The following RSU1 variants were observed in gnomAD, a reference collection of about 807,000 sequenced individuals.
RSU1 encodes rsu-1.
RSU1 carries 26 observed loss-of-function variants against 31.1 expected under a neutral mutation model. The ratio of observed to expected loss-of-function variants is 0.84; its 90% confidence interval spans 0.61 to 1.16. The LOEUF (loss-of-function observed/expected upper bound fraction) is 1.16. Ranked by LOEUF, RSU1 falls within the 50% of genes most tolerant of loss-of-function variation. The pLI, the probability that RSU1 is intolerant of heterozygous loss-of-function variation, is 0.00. For missense variants in RSU1, 320 were observed against 339.1 expected (o/e 0.94, Z 0.44); for synonymous variants, 164 against 136.3 (o/e 1.20, Z -1.41).
At chr10:16,719,794 G>A (rs543117381) in intron 7 of RSU1, among the ~76,000 whole-genome samples, 9 of 152,224 alleles carry the variant, frequency 5.9e-5, no homozygotes, top group South Asian at 2.1e-4. Context: ...ACATCCCACC[G>A]TTTCCTTACC....
chr10:16,664,994 A>G (rs960301100), intron 8 of RSU1, among the ~76,000 whole-genome samples: 2 of 152,004 alleles, frequency 1.3e-5, no homozygotes, highest in Non-Finnish European at 2.9e-5. Flanking sequence ...CCCAGGCTGG[A>G]ATGCAGTGGC....
intron 2 of RSU1, among the ~76,000 whole-genome samples, chr10:16,804,725 T>C (rs1028627689): frequency 7.9e-5 from 12 of 152,218 alleles, no homozygotes; most frequent in African/African-American, 2.7e-4. Flanking sequence ...GTAGAGGCTA[T>C]ATACCCTACG....
chr10:16,653,783 T>C (rs1308201823), intron 8 of RSU1, among the ~76,000 whole-genome samples: 2 of 152,120 alleles, frequency 1.3e-5, no homozygotes, highest in South Asian at 2.1e-4. Flanking sequence ...TGTGCATTAA[T>C]AAGTGGCATA....
chr10:16,643,410 T>G (rs1371930538), intron 8 of RSU1, among the ~76,000 whole-genome samples: 2 of 152,214 alleles, frequency 1.3e-5, no homozygotes, highest in Non-Finnish European at 2.9e-5. Flanking sequence ...TAGTACTTTG[T>G]GGGCAGAAGC....
chr10:16,726,434 T>A (rs1340702475), intron 7 of RSU1, among the ~76,000 whole-genome samples: 1 of 151,908 alleles, frequency 6.6e-6, no homozygotes, highest in African/African-American at 2.4e-5. Flanking sequence ...GCCCAGCTAA[T>A]TTTTGTGTTT....
intron 8 of RSU1, among the ~76,000 whole-genome samples, chr10:16,594,727 AATATATCAT>A (rs1833581159): frequency 1.4e-5 from 2 of 147,374 alleles, no homozygotes; most frequent in African/African-American, 2.5e-5. Context: ...ACATATAGAT[AATATATCAT>A]ATATATCATA....
intron 8 of RSU1, among the ~76,000 whole-genome samples, chr10:16,677,776 T>G (rs1290868041): frequency 2.6e-5 from 4 of 152,208 alleles, no homozygotes; most frequent in Non-Finnish European, 5.9e-5. Context: ...ACAAAAACTT[T>G]TATTGACAAC....
At chr10:16,683,714 C>T (rs1176890137) in intron 8 of RSU1, among the ~76,000 whole-genome samples, 1 of 152,138 alleles carries the variant, frequency 6.6e-6, no homozygotes, top group African/African-American at 2.4e-5. Flanking sequence ...CCCAGGAGGT[C>T]CTGAGAACAT....
intron 8 of RSU1, among the ~76,000 whole-genome samples, chr10:16,648,464 A>G (rs1247750645): frequency 1.3e-5 from 2 of 152,156 alleles, no homozygotes; most frequent in African/African-American, 4.8e-5. Flanking sequence ...GCCTACGAAG[A>G]TAGGTCAAAG....
intron 7 of RSU1, among the ~76,000 whole-genome samples, chr10:16,731,518 A>G (rs1836511875): frequency 6.6e-6 from 1 of 152,144 alleles, no homozygotes; most frequent in South Asian, 2.1e-4. Flanking sequence ...TAGAATTCCA[A>G]GGGAGCTTAC....
intron 2 of RSU1, among the ~76,000 whole-genome samples, chr10:16,809,806 A>T (rs1009806967): frequency 6.6e-6 from 1 of 151,304 alleles, no homozygotes; most frequent in Non-Finnish European, 1.5e-5. Context: ...AGCATTGGTT[A>T]TAATGGCAAA....
chr10:16,684,743 C>T (rs953863023), intron 8 of RSU1, among the ~76,000 whole-genome samples: 1 of 151,794 alleles, frequency 6.6e-6, no homozygotes, highest in Non-Finnish European at 1.5e-5. Context: ...TTATGGCAGC[C>T]AAAGCAAACG....
intron 2 of RSU1, among the ~76,000 whole-genome samples, chr10:16,788,194 A>G (rs1019015336): frequency 2.0e-5 from 3 of 152,166 alleles, no homozygotes; most frequent in African/African-American, 7.2e-5. Context: ...AGCAAACCAC[A>G]CTCAACAGGA....
chr10:16,624,609 A>G (rs1390799637), intron 8 of RSU1, among the ~76,000 whole-genome samples: 1 of 152,146 alleles, frequency 6.6e-6, no homozygotes, highest in Non-Finnish European at 1.5e-5. Context: ...GTGTAGTTTG[A>G]AAAGCTCCCT....
chr10:16,717,028 C>G (rs1023253273), intron 7 of RSU1, among the ~76,000 whole-genome samples: 1 of 152,150 alleles, frequency 6.6e-6, no homozygotes, highest in African/African-American at 2.4e-5. Context: ...TTACTAGACA[C>G]TTGCTCATAG....
chr10:16,699,678 G>A lies in RSU1; in HGVS notation c.599-4523C>T, dbSNP rs1835748627. On this transcript the variant is annotated intron_variant, in intron 7 of 8. Coordinates refer to ENST00000345264, the MANE Select transcript of RSU1 (RefSeq NM_012425.4). ...CAGCAGGATTAAGCACTGTGACAAA[G>A]AGGATCTAATAAGCTAGAAAGTGGT... Among the ~76,000 whole-genome samples, 3 of 152,200 alleles carry A rather than the reference G, an allele frequency of 2.0e-5. No individual in the cohort carries two copies. In the South Asian group the frequency reaches 6.2e-4, roughly 32 times the overall value.
chr10:16,771,748 G>A (rs1837428102), intron 3 of RSU1, among the ~76,000 whole-genome samples: 1 of 152,198 alleles, frequency 6.6e-6, no homozygotes, highest in South Asian at 2.1e-4. Flanking sequence ...TGTCTTCACA[G>A]ATTTTATGGG....
At chr10:16,713,935 T>C (rs549482892) in intron 7 of RSU1, among the ~76,000 whole-genome samples, 58 of 152,280 alleles carry the variant, frequency 3.8e-4, no homozygotes, top group African/African-American at 1.4e-3. Context: ...CTACATGTAG[T>C]TTTTTCAGCT....
rs1835650278 is a variant in RSU1 at position 16,695,166 on chromosome 10, GGAAAA to G, written c.599-16_599-12del. On this transcript the variant is annotated splice_polypyrimidine_tract_variant and intron_variant, in intron 7 of 8. Transcript: ENST00000345264. The stretch of plus-strand genomic sequence containing the variant: ...TTAAATCCAAGTTTCCTGGGGGGGG[GGAAAA>G]AAAAAGTGAAGGTCACTTCATCCAA... 2.9e-6 allele frequency: 4 copies of G among 1,381,978 alleles called. No homozygotes were observed. Among genetic ancestry groups the G allele is most frequent in the Middle Eastern group, 2.0e-4 (1 of 5,072 alleles). The allele number at this position is 1,381,978 out of a possible 1,614,324, so 85.6% of individuals were successfully genotyped here.
Sources: allele counts gnomAD v4.1 joint callset (sites outside exome capture counted in the v4.1 genomes callset), GRCh38; gene constraint gnomAD v4.1.1; transcripts MANE v1.5; gene names NCBI Gene and HGNC (gene_info 2026-07-23, HGNC 2026-07-21).